CD46: variants seen among roughly 807,000 people sequenced by gnomAD.
The protein encoded by CD46 is membrane cofactor protein.
CD46 carries 30 observed loss-of-function variants against 53.3 expected under a neutral mutation model. That is an observed-to-expected ratio of 0.56 (90% CI 0.42 to 0.76). The LOEUF is 0.76. Among genes scored for constraint, CD46 ranks in the 30% least tolerant of loss-of-function variants. CD46 has a pLI of 0.00. For synonymous variants in CD46, 142 were observed against 152.0 expected (o/e 0.93, Z 0.48); for missense variants, 409 against 463.0 (o/e 0.88, Z 1.07).
intron 5 of CD46, among the ~76,000 whole-genome samples, chr1:207,765,208 T>C (rs1399301956): frequency 6.6e-6 from 1 of 152,198 alleles, no homozygotes; most frequent in Non-Finnish European, 1.5e-5. Flanking sequence ...CATGTGGTTA[T>C]CTTATTAGAT....
intron 7 of CD46, chr1:207,770,103 C>T (rs1208587916): frequency 1.9e-6 from 1 of 531,550 alleles, no homozygotes; most frequent in East Asian, 3.3e-5. Context: ...CTAAGATTTC[C>T]ATTATAAAAT....
At position 207,790,345 on chromosome 1, in the gene CD46, G is replaced by C. The variant is rs1221357865; in HGVS notation, c.*41G>C. The C allele has an allele frequency of 6.8e-7, 1 of 1,472,322 alleles. No individual in the cohort carries two copies. The highest frequency in any genetic ancestry group is 9.5e-7 in the Non-Finnish European group (1 of 1,052,102). 91.2% of individuals were successfully genotyped at this position (1,472,322 alleles called of 1,614,324 possible). On this transcript the variant is annotated splice_region_variant and 3_prime_UTR_variant, in exon 12 of 13. Coordinates refer to ENST00000367042, the MANE Select transcript of CD46 (RefSeq NM_172351.3). ...GAAAGGTTTGCTTTTATCATTAAAAGGTATCTGTTTTCTGTTGTTTATTTT... is the reference window on the plus strand; with the variant it reads ...GAAAGGTTTGCTTTTATCATTAAAACGTATCTGTTTTCTGTTGTTTATTTT...
rs1327791913 is a variant in CD46, at chr1:207,767,068, A to G, written c.729A>G (p.Gly243=). Residue 243 remains glycine, a synonymous_variant, in exon 6 of 13, where the codon GGA becomes GGG. Coordinates refer to ENST00000367042, the MANE Select transcript of CD46 (RefSeq NM_172351.3). ...VENGKQISGF[G]KKFYYKATVM... ...ATGGAAAACAGATATCAGGATTTGGAAAAAAATTTTACTACAAAGCAACAG... is the reference window on the plus strand; with the variant it reads ...ATGGAAAACAGATATCAGGATTTGGGAAAAAATTTTACTACAAAGCAACAG... The G allele has an allele frequency of 1.2e-6, 2 of 1,613,480 alleles. No individual in the cohort carries two copies. Among genetic ancestry groups the G allele is most frequent in the Non-Finnish European group, 1.7e-6 (2 of 1,179,532 alleles).
rs111875396 is a variant in CD46, at chr1:207,770,202, A to G, written c.902-119A>G. The G allele has an allele frequency of 1.6e-3, 1,251 of 764,606 alleles. 7 individuals are homozygous for G. The highest frequency in any genetic ancestry group is 9.7e-3 in the African/African-American group (547 of 56,468). The allele number at this position is 764,606 out of a possible 1,614,324, so 47.4% of individuals were successfully genotyped here. Reference sequence around the variant, plus strand: ...TAAATTCTAAGATGTGGAATTGCAAAGTTTGTAAAGTGTGTAGTTTTCATT... The same window carrying G: ...TAAATTCTAAGATGTGGAATTGCAAGGTTTGTAAAGTGTGTAGTTTTCATT... On this transcript the variant is annotated intron_variant, in intron 7 of 12. Coordinates refer to ENST00000367042, the MANE Select transcript of CD46 (RefSeq NM_172351.3).
At chr1:207,785,872 A>T (rs1659226307) in intron 11 of CD46, 190 bp downstream of exon 11, 1 of 545,350 alleles carries the variant, frequency 1.8e-6, no homozygotes, top group African/African-American at 1.9e-5. Context: ...ACATCACTGC[A>T]ACATAAAAAC....
At chr1:207,793,469 G>A (rs747724595) in intron 12 of CD46, 50 bp from the exon 13 acceptor site, 23 of 1,385,832 alleles carry the variant, frequency 1.7e-5, no homozygotes, top group East Asian at 2.3e-5. Context: ...TTTAATTTCT[G>A]TACTTAATTA....
chr1:207,770,522 T>C (rs1168987330), intron 8 of CD46, among the ~76,000 whole-genome samples, 160 bp downstream of exon 8: 2 of 152,232 alleles, frequency 1.3e-5, no homozygotes, highest in African/African-American at 4.8e-5. Flanking sequence ...TCATTTATAT[T>C]AGGTATTTCT....
intron 4 of CD46, chr1:207,760,660 T>A (rs1190287698): frequency 6.6e-6 from 1 of 152,582 alleles, no homozygotes; most frequent in Non-Finnish European, 1.5e-5. Context: ...AAAAGAAGTT[T>A]AATTGGCTCA....
At chr1:207,789,252 CT>C (rs1245563207) in intron 11 of CD46, among the ~76,000 whole-genome samples, 2 of 152,044 alleles carry the variant, frequency 1.3e-5, no homozygotes, top group African/African-American at 4.8e-5. Context: ...TATTTATTAC[CT>C]GTGACAAATA....
intron 6 of CD46, 195 bp downstream of exon 6, chr1:207,767,390 T>C (rs1656978890): frequency 1.4e-6 from 1 of 708,604 alleles, no homozygotes; most frequent in Non-Finnish European, 2.4e-6. Context: ...GCTGTTGTGA[T>C]TTTTTGTGCT....
chr1:207,788,032 G>C (rs1053140987), intron 11 of CD46, among the ~76,000 whole-genome samples: 34 of 152,272 alleles, frequency 2.2e-4, no homozygotes, highest in African/African-American at 7.5e-4. Context: ...ACACTGACCA[G>C]GGTGTTGCCC....
At position 207,761,278 on chromosome 1, in the gene CD46, A is replaced by G; in HGVS notation, c.505A>G (p.Lys169Glu). Residue 169 changes from lysine to glutamate, a missense_variant, in exon 5 of 13, where the codon AAA (lysine) becomes GAA (glutamate). Lys to Glu is a moderately conservative substitution (Grantham distance 56, BLOSUM62 1). Transcript: ENST00000367042. Reference sequence around the variant, plus strand: ...TTTGTGTACACCACCTCCAAAAATAAAAAATGGAAAACACACCTTTAGTGA... The same window carrying G: ...TTTGTGTACACCACCTCCAAAAATAGAAAATGGAAAACACACCTTTAGTGA... ...KVLCTPPPKIKNGKHTFSEVE... is the reference protein window; with the variant it reads ...KVLCTPPPKIENGKHTFSEVE... The G allele has an allele frequency of 1.9e-6, 3 of 1,612,654 alleles. No individual in the cohort carries two copies. The highest frequency in any genetic ancestry group is 2.5e-6 in the Non-Finnish European group (3 of 1,178,760).
At chr1:207,761,473 C>T in intron 5 of CD46, 27 bp downstream of exon 5, 1 of 1,569,444 alleles carries the variant, frequency 6.4e-7, no homozygotes, top group Non-Finnish European at 8.8e-7. Flanking sequence ...TTTCCTTCTT[C>T]ATTTGTAAAT....
In CD46 at chr1:207,757,201, T is replaced by C. The variant is rs112089594; in HGVS notation, c.285T>C (p.Tyr95=). The C allele has an allele frequency of 6.6e-4, 1,072 of 1,612,388 alleles. 2 individuals carry two copies. In the Middle Eastern group the frequency reaches 0.02, roughly 30 times the overall value. ...TACCTGTCTCAGATGACGCCTGTTA[T>C]AGTAAGTAAACAAACCTCTTTTTTT... The part of the protein sequence containing the change: ...TWLPVSDDAC[Y]RETCPYIRDP... Residue 95 remains tyrosine, a splice_region_variant and synonymous_variant, in exon 2 of 13, where the codon TAT becomes TAC. Coordinates refer to ENST00000367042, the MANE Select transcript of CD46 (RefSeq NM_172351.3).
chr1:207,777,437 G>T (rs1658237120), intron 8 of CD46, among the ~76,000 whole-genome samples: 1 of 152,166 alleles, frequency 6.6e-6, no homozygotes. Context: ...CATCACCCAG[G>T]TATTAAGCCT....
At position 207,788,364 on chromosome 1, in the gene CD46, A is replaced by C. The variant is rs1343743092; in HGVS notation, c.1083-1889A>C. The stretch of plus-strand genomic sequence containing the variant: ...ACCCCGTCTCTACTAAAAATACAAA[A>C]AAAAAAAAAAAAAAATAGTGGCGGG... On this transcript the variant is annotated intron_variant, in intron 11 of 12. Transcript: ENST00000367042. Among the ~76,000 whole-genome samples the C allele has an allele frequency of 8.6e-5, 13 of 150,880 alleles. No individual in the cohort carries two copies. In the East Asian group the frequency reaches 1.2e-3, roughly 14 times the overall value.
rs2102516362 is a variant in CD46, at chr1:207,752,954, A to ACTC, written c.97+645_97+646insCTC. Among the ~76,000 whole-genome samples the ACTC allele has an allele frequency of 6.6e-6, 1 of 151,702 alleles. No homozygotes were observed. The highest frequency in any genetic ancestry group is 2.1e-4 in the South Asian group (1 of 4,784). On this transcript the variant is annotated intron_variant, in intron 1 of 12. Coordinates refer to ENST00000367042, the MANE Select transcript of CD46 (RefSeq NM_172351.3). The surrounding 1 kb of genome is among the most constrained non-coding windows in gnomAD (Gnocchi z 4.1). Reference sequence around the variant, plus strand: ...GGGGCTAGGGAGGGCATGTTGAGTGAGAGCAGGCTCTCGGTGCCTGGGGTT... The same window carrying ACTC: ...GGGGCTAGGGAGGGCATGTTGAGTGACTCGAGCAGGCTCTCGGTGCCTGGGGTT...
At chr1:207,775,515 A>G (rs1657998844) in intron 8 of CD46, among the ~76,000 whole-genome samples, 1 of 151,476 alleles carries the variant, frequency 6.6e-6, no homozygotes, top group Non-Finnish European at 1.5e-5. Context: ...TTGTGGTTTT[A>G]TCTACCTTTT....
At chr1:207,785,485 G>C (rs1659184597) in intron 10 of CD46, 134 bp from the exon 11 acceptor site, 1 of 760,460 alleles carries the variant, frequency 1.3e-6, no homozygotes, top group African/African-American at 1.7e-5. Flanking sequence ...AGTCTGGATG[G>C]AATATAAATG....
Sources: gnomAD v4.1 joint callset for allele counts (sites outside exome capture counted in the v4.1 genomes callset) on GRCh38, gnomAD v4.1.1 for gene constraint, Gnocchi (gnomAD v3.1) non-coding constraint, MANE v1.5 for transcripts, NCBI Gene and HGNC (gene_info 2026-07-23, HGNC 2026-07-21) for gene names.